The following SMG5 variants were observed in gnomAD, a reference collection of about 807,000 sequenced individuals.
The protein encoded by SMG5 is SMG5 nonsense mediated mRNA decay factor.
Under a neutral mutation model 122.9 loss-of-function variants are expected in SMG5, and 53 were observed. The ratio of observed to expected loss-of-function variants is 0.43; its 90% CI spans 0.35 to 0.54. The LOEUF is 0.54. Ranked by LOEUF, SMG5 falls within the 20% of genes least tolerant of loss-of-function variation. The probability of loss-of-function intolerance (pLI) is 0.01; values close to 1 mark genes in which losing one functional copy is unlikely to be tolerated. For missense variants in SMG5, 1,153 were observed against 1,285.6 expected (o/e 0.90, Z 1.58); for synonymous variants, 477 against 490.2 (o/e 0.97, Z 0.35).
Position 156,281,406 on chromosome 1 carries a change from G to A in SMG5, c.74+1201C>T, listed in dbSNP as rs1215449732. On this transcript the variant is annotated intron_variant, in intron 1 of 21. Coordinates refer to ENST00000361813, the MANE Select transcript of SMG5 (RefSeq NM_015327.3). ...AGGCAGCACTGACACTCGGCAGCAT[G>A]ATAAGGCACACGTGCCACCCCCAGC... Among the ~76,000 whole-genome samples the A allele has an allele frequency of 3.3e-5, 5 of 152,222 alleles. No individual in the cohort carries two copies. In the East Asian group the frequency reaches 9.6e-4, roughly 29 times the overall value.
Position 156,250,197 on chromosome 1 carries a change from C to T in SMG5, c.*390G>A. The T allele has an allele frequency of 5.7e-6, 2 of 349,758 alleles. No homozygotes were observed. The highest frequency in any genetic ancestry group is 4.5e-5 in the South Asian group (2 of 44,178). 21.7% of individuals were successfully genotyped at this position (349,758 alleles called of 1,614,324 possible). On this transcript the variant is annotated 3_prime_UTR_variant, in exon 22 of 22. Coordinates refer to ENST00000361813, the MANE Select transcript of SMG5 (RefSeq NM_015327.3). ...GGGTCCAAACTCCTGGCCCCAACCA[C>T]CCTGCATCTTGGGTGAGGAAGAAGG...
upstream of SMG5, chr1:156,286,454 G>A: frequency 6.2e-7 from 1 of 1,614,134 alleles, no homozygotes; most frequent in Non-Finnish European, 8.5e-7. Flanking sequence ...TCTGCTCACT[G>A]GTCTCTTTGC....
chr1:156,260,716 T>G, intron 14 of SMG5, 90 bp from the exon 15 acceptor site: 6 of 1,170,824 alleles, frequency 5.1e-6, no homozygotes, highest in Non-Finnish European at 5.8e-6. Context: ...ATTATCAGGC[T>G]GATGAGATGA....
At chr1:156,273,297 A>G in intron 6 of SMG5, 64 bp downstream of exon 6, 1 of 1,384,344 alleles carries the variant, frequency 7.2e-7, no homozygotes, top group Non-Finnish European at 1.0e-6. Context: ...CTGCCATCTC[A>G]ACAACATCGT....
intron 1 of SMG5, 112 bp downstream of exon 1, chr1:156,282,495 T>TCCTCACCCGCA: frequency 8.4e-7 from 1 of 1,197,110 alleles, no homozygotes; most frequent in Non-Finnish European, 1.2e-6. Context: ...GCACCCTCCT[T>TCCTCACCCGCA]CCTCACCCGC....
intron 2 of SMG5, 111 bp downstream of exon 2, chr1:156,278,825 A>G: frequency 2.4e-6 from 2 of 835,910 alleles, no homozygotes; most frequent in Non-Finnish European, 4.0e-6. Flanking sequence ...CCATTAAGGT[A>G]CCATGAGGTC....
chr1:156,261,263 G>A, intron 14 of SMG5, 70 bp downstream of exon 14: 2 of 1,449,124 alleles, frequency 1.4e-6, no homozygotes, highest in Admixed American at 3.3e-5. Context: ...GGGTTATGGG[G>A]AGGGGAGATG....
Position 156,250,426 on chromosome 1 carries a change from G to A in SMG5, c.*161C>T, listed in dbSNP as rs1661293514. On this transcript the variant is annotated 3_prime_UTR_variant, in exon 22 of 22. Transcript: ENST00000361813. ...ACAAAGGGACCCCACCCTCCCAGCC[G>A]GCTCCTGGGCCCTCCCTGCAGCCTC... The A allele has an allele frequency of 1.0e-5, 7 of 682,450 alleles. No individual in the cohort carries two copies. The highest frequency in any genetic ancestry group is 1.6e-5 in the Non-Finnish European group (6 of 383,784). 42.3% of individuals were successfully genotyped at this position (682,450 alleles called of 1,614,324 possible). A position where few individuals can be genotyped will look rare whatever the true frequency, so the allele number is the denominator to read the frequency against.
intron 7 of SMG5, among the ~76,000 whole-genome samples, chr1:156,269,521 G>A (rs1042272071): frequency 1.3e-5 from 2 of 152,010 alleles, no homozygotes; most frequent in African/African-American, 2.4e-5. Flanking sequence ...CGTATCAAGA[G>A]GTCAGGAGTT....
At chr1:156,266,842 C>A (rs890594372) in intron 10 of SMG5, among the ~76,000 whole-genome samples, 164 bp from the exon 11 acceptor site, 1 of 150,740 alleles carries the variant, frequency 6.6e-6, no homozygotes, top group Admixed American at 6.6e-5. Context: ...AAGAGTCTCA[C>A]TATGTTGCCC....
At chr1:156,289,529 G>A in the SMG5 span, among the ~76,000 whole-genome samples, 1 of 152,134 alleles carries the variant, frequency 6.6e-6, no homozygotes, top group South Asian at 2.1e-4. Flanking sequence ...GGAGAATGGC[G>A]TGAACCTGGG....
rs1662123683 is a variant in SMG5, at chr1:156,266,159, A to G, written c.1477T>C (p.Ser493Pro). Residue 493 changes from serine to proline, a missense_variant, in exon 12 of 22, where the codon TCA (serine) becomes CCA (proline). Ser to Pro is a moderately conservative substitution (Grantham distance 74). This residue lies in a region of SMG5 where 631 missense variants were observed against 650.6 expected (regional missense o/e 0.97). Coordinates refer to ENST00000361813, the MANE Select transcript of SMG5 (RefSeq NM_015327.3). Reference sequence around the variant, plus strand: ...AGACTCTTGTCAGAGCCACTGTCTGAGCCCTCACTGGCCCGGGCTGAGTCA... The same window carrying G: ...AGACTCTTGTCAGAGCCACTGTCTGGGCCCTCACTGGCCCGGGCTGAGTCA... Reference protein sequence around the residue: ...SHDSARASEGSDSGSDKSLEG... With the variant: ...SHDSARASEGPDSGSDKSLEG... The G allele has an allele frequency of 6.2e-7, 1 of 1,614,184 alleles. No individual in the cohort carries two copies. The highest frequency in any genetic ancestry group is 8.5e-7 in the Non-Finnish European group (1 of 1,180,036).
intron 5 of SMG5, among the ~76,000 whole-genome samples, chr1:156,273,713 GTTTTC>G (rs1662546180): frequency 7.9e-6 from 1 of 126,716 alleles, no homozygotes; most frequent in African/African-American, 2.8e-5. Flanking sequence ...TTTTTGTTTT[GTTTTC>G]TTTTTTTTTT....
At chr1:156,276,530 G>A (rs1389489159) in intron 4 of SMG5, among the ~76,000 whole-genome samples, 3 of 152,194 alleles carry the variant, frequency 2.0e-5, no homozygotes, top group African/African-American at 7.2e-5. Flanking sequence ...CAGAATGTCT[G>A]TCTTGGTGAT....
intron 16 of SMG5, among the ~76,000 whole-genome samples, chr1:156,256,269 G>T (rs1026948777): frequency 1.3e-5 from 2 of 149,990 alleles, no homozygotes; most frequent in Admixed American, 6.7e-5. Context: ...ATGAAAGAAT[G>T]GAAGCAGAAG....
chr1:156,260,188 A>G (rs943027002), intron 15 of SMG5, among the ~76,000 whole-genome samples: 10 of 152,118 alleles, frequency 6.6e-5, no homozygotes, highest in Admixed American at 6.5e-5. Context: ...TCTGCCCTTT[A>G]CAGAAGGCAG....
intron 2 of SMG5, 61 bp downstream of exon 2, chr1:156,278,875 G>T: frequency 2.1e-6 from 3 of 1,396,348 alleles, no homozygotes; most frequent in Non-Finnish European, 3.1e-6. Flanking sequence ...ATCTGAGAAG[G>T]TTTCTGGTAG....
chr1:156,260,778 AAG>A (rs753308434), intron 14 of SMG5, 152 bp from the exon 15 acceptor site: 8 of 645,182 alleles, frequency 1.2e-5, no homozygotes, highest in Non-Finnish European at 1.7e-5. Flanking sequence ...GAGTGAAGTA[AAG>A]AGAGATGGAC....
chr1:156,291,279 C>A, the SMG5 span: 1 of 979,008 alleles, frequency 1.0e-6, no homozygotes, highest in East Asian at 2.4e-5. Flanking sequence ...GCCATACCCA[C>A]CAACTGCATC....
Sources: gnomAD v4.1 joint callset for allele counts (sites outside exome capture counted in the v4.1 genomes callset) on GRCh38, gnomAD v4.1.1 for gene constraint, gnomAD v4.1.1 regional missense constraint, MANE v1.5 for transcripts, NCBI Gene and HGNC (gene_info 2026-07-23, HGNC 2026-07-21) for gene names.